Variants in ARHGAP31 observed in about 807,000 individuals in gnomAD.
ARHGAP31 encodes rho GTPase-activating protein 31.
In ARHGAP31, 34 loss-of-function variants were observed where a neutral mutation model predicts 113.9. That is an observed-to-expected ratio of 0.30 (90% CI 0.23 to 0.40). The LOEUF (loss-of-function observed/expected upper bound fraction) is 0.40. ARHGAP31 is among the 10% of genes least tolerant of loss of function. The probability of loss-of-function intolerance (pLI) is 1.00; values close to 1 mark genes in which losing one functional copy is unlikely to be tolerated. For missense variants in ARHGAP31, 1,548 were observed against 1,767.1 expected (o/e 0.88, Z 2.22); for synonymous variants, 650 against 684.8 (o/e 0.95, Z 0.79).
intron 4 of ARHGAP31, among the ~76,000 whole-genome samples, chr3:119,381,338 G>A (rs977069969): frequency 4.6e-5 from 7 of 152,108 alleles, no homozygotes; most frequent in African/African-American, 1.7e-4. Flanking sequence ...TTCAACAGGG[G>A]TTGACTGTGG....
chr3:119,354,620 T>C (rs1166600784), intron 1 of ARHGAP31, among the ~76,000 whole-genome samples: 1 of 151,210 alleles, frequency 6.6e-6, no homozygotes, highest in Non-Finnish European at 1.5e-5. Flanking sequence ...CAAGTGATTC[T>C]CCTGCCTCAG....
At chr3:119,368,255 C>A (rs1367480779) in intron 2 of ARHGAP31, 117 bp from the exon 3 acceptor site, 21 of 1,362,052 alleles carry the variant, frequency 1.5e-5, no homozygotes, top group South Asian at 4.8e-5. Context: ...GAATTAAGGT[C>A]AAAAATATAG....
chr3:119,309,064 A>T (rs1277725586), intron 1 of ARHGAP31, among the ~76,000 whole-genome samples: 1 of 151,460 alleles, frequency 6.6e-6, no homozygotes, highest in Non-Finnish European at 1.5e-5. Flanking sequence ...CTGGTCTCAA[A>T]CTCCTGGACT....
intron 3 of ARHGAP31, among the ~76,000 whole-genome samples, chr3:119,373,116 T>C (rs948549933): frequency 2.0e-5 from 3 of 152,032 alleles, no homozygotes; most frequent in African/African-American, 7.2e-5. Context: ...AACTTAAAAA[T>C]GGAACTACAT....
Position 119,392,809 on chromosome 3 carries a change from G to A in ARHGAP31, c.882-658G>A, listed in dbSNP as rs533683792. Among the ~76,000 whole-genome samples, 14 of 152,318 alleles carry A rather than the reference G, an allele frequency of 9.2e-5. 1 individual carries two copies. The highest frequency in any genetic ancestry group is 7.2e-4 in the Admixed American group (11 of 15,306). On this transcript the variant is annotated intron_variant, in intron 7 of 11. Transcript: ENST00000264245. Reference sequence around the variant, plus strand: ...ACCAGGCCAGACTCTTTTCCAGGTCGGATTTCTCATCCAACCCTTTTCAGT... The same window carrying A: ...ACCAGGCCAGACTCTTTTCCAGGTCAGATTTCTCATCCAACCCTTTTCAGT...
At chr3:119,323,168 G>T (rs970415997) in intron 1 of ARHGAP31, among the ~76,000 whole-genome samples, 1 of 152,126 alleles carries the variant, frequency 6.6e-6, no homozygotes, top group Admixed American at 6.5e-5. Flanking sequence ...ACGCTGCGGC[G>T]ACAGGAAAGC....
chr3:119,370,219 T>G (rs1422231669), intron 3 of ARHGAP31, among the ~76,000 whole-genome samples: 1 of 152,224 alleles, frequency 6.6e-6, no homozygotes, highest in Non-Finnish European at 1.5e-5. Context: ...CATGTGGGTC[T>G]GTCAGATTAT....
At position 119,382,438 on chromosome 3, in the gene ARHGAP31, G is replaced by C. The variant is rs551323366; in HGVS notation, c.539+39G>C. The C allele has an allele frequency of 1.6e-3, 2,430 of 1,560,784 alleles. 2 individuals carry two copies. Among genetic ancestry groups the C allele is most frequent in the Non-Finnish European group, 2.0e-3 (2,212 of 1,133,034 alleles). The stretch of plus-strand genomic sequence containing the variant: ...CCTCCCCTTGTCACCAGCCCAGGGG[G>C]CTCAGAGCAGCCCCCGATTGAAATG... On this transcript the variant is annotated intron_variant, in intron 5 of 11. Transcript: ENST00000264245.
At chr3:119,305,031 A>C (rs1356066230) in intron 1 of ARHGAP31, among the ~76,000 whole-genome samples, 1 of 152,228 alleles carries the variant, frequency 6.6e-6, no homozygotes, top group Non-Finnish European at 1.5e-5. Flanking sequence ...GTCTTCCACT[A>C]TATGGAAAGT....
intron 1 of ARHGAP31, among the ~76,000 whole-genome samples, chr3:119,355,189 T>G (rs140773097): frequency 6.6e-6 from 1 of 152,220 alleles, no homozygotes; most frequent in African/African-American, 2.4e-5. Context: ...CTCTGGCACT[T>G]CCTAGCTCCA....
At chr3:119,302,768 G>A (rs1342083632) in intron 1 of ARHGAP31, among the ~76,000 whole-genome samples, 1 of 152,150 alleles carries the variant, frequency 6.6e-6, no homozygotes, top group African/African-American at 2.4e-5. Context: ...ACATATCTTA[G>A]GATAGCATAT....
chr3:119,394,597 A>C (rs2080531830), intron 8 of ARHGAP31, among the ~76,000 whole-genome samples: 1 of 152,178 alleles, frequency 6.6e-6, no homozygotes, highest in Admixed American at 6.5e-5. Flanking sequence ...AAGGTGTAAA[A>C]GAGAAATGTA....
chr3:119,362,951 G>A lies in ARHGAP31; in HGVS notation c.101-2365G>A, dbSNP rs144166367. Among the ~76,000 whole-genome samples, 465 of 152,266 alleles carry A rather than the reference G, an allele frequency of 3.1e-3. 3 individuals are homozygous for A. Among genetic ancestry groups the A allele is most frequent in the African/African-American group, 0.011 (450 of 41,540 alleles). On this transcript the variant is annotated intron_variant, in intron 1 of 11. Transcript: ENST00000264245. ...GAAATAATATTGGTCATTGTGGAAT[G>A]CTTCTTATATGCCAGGGTCTGTGCC...
chr3:119,399,027 A>T (rs1229305294), intron 8 of ARHGAP31, among the ~76,000 whole-genome samples, 172 bp from the exon 9 acceptor site: 1 of 152,232 alleles, frequency 6.6e-6, no homozygotes, highest in African/African-American at 2.4e-5. Context: ...TGTCGCATTA[A>T]GAAAGTAGGA....
In ARHGAP31 at chr3:119,399,115, G is replaced by A. The variant is rs2080577027; in HGVS notation, c.1007-84G>A. 5 of 1,233,958 alleles carry A rather than the reference G, an allele frequency of 4.1e-6. No individual in the cohort carries two copies. The South Asian group carries it at 6.1e-5, about 15-fold the overall frequency. The allele number at this position is 1,233,958 out of a possible 1,614,324, so 76.4% of individuals were successfully genotyped here. A position where few individuals can be genotyped will look rare whatever the true frequency, so the allele number is the denominator to read the frequency against. On this transcript the variant is annotated intron_variant, in intron 8 of 11. Coordinates refer to ENST00000264245, the MANE Select transcript of ARHGAP31 (RefSeq NM_020754.4). ...AAACTTTCCTAAAGAATTTTGTCTT[G>A]GGTACTTAAACAGCCTGACCTATTT...
chr3:119,295,591 C>T (rs1250579481), intron 1 of ARHGAP31, among the ~76,000 whole-genome samples: 2 of 152,020 alleles, frequency 1.3e-5, no homozygotes, highest in Non-Finnish European at 2.9e-5. Flanking sequence ...TTCCACAACC[C>T]CCTCCCCGCC....
intron 10 of ARHGAP31, among the ~76,000 whole-genome samples, chr3:119,407,822 A>G (rs1260292414): frequency 6.6e-6 from 1 of 152,214 alleles, no homozygotes; most frequent in Non-Finnish European, 1.5e-5. Flanking sequence ...TGGCTGGGCC[A>G]GCAAGAAGGG....
At position 119,414,382 on chromosome 3, in the gene ARHGAP31, A is replaced by G. The variant is rs371770771; in HGVS notation, c.2453A>G (p.Tyr818Cys). Residue 818 changes from tyrosine to cysteine, a missense_variant, in exon 12 of 12, where the codon TAC becomes TGC. Tyr to Cys is a radical substitution (Grantham distance 194). Coordinates refer to ENST00000264245, the MANE Select transcript of ARHGAP31 (RefSeq NM_020754.4). ...TCCAGGAAATTGAGGACAGATCTCT[A>G]CATAGACCAGCTGAAGTCCCAAGAC... ...DSSRKLRTDL[Y>C]IDQLKSQDSP... is the part of the protein sequence containing the mutation. 5 of 1,614,072 alleles carry G rather than the reference A, an allele frequency of 3.1e-6. No homozygotes were observed. In the African/African-American group the frequency reaches 6.7e-5, roughly 22 times the overall value.
chr3:119,343,079 A>G (rs1231039705), intron 1 of ARHGAP31, among the ~76,000 whole-genome samples: 1 of 152,256 alleles, frequency 6.6e-6, no homozygotes, highest in Non-Finnish European at 1.5e-5. Context: ...TGTCAGAACA[A>G]ATCATTCTCC....
Sources: allele counts gnomAD v4.1 joint callset (sites outside exome capture counted in the v4.1 genomes callset), GRCh38; gene constraint gnomAD v4.1.1; transcripts MANE v1.5; gene names NCBI Gene and HGNC (gene_info 2026-07-23, HGNC 2026-07-21).